The following MCRIP1 variants were observed in gnomAD, a reference collection of about 807,000 sequenced individuals.
MCRIP1 encodes mapk-regulated corepressor-interacting protein 1.
In MCRIP1, 10 loss-of-function variants were observed where a neutral mutation model predicts 14.4. The observed-to-expected ratio is 0.70, with a 90% CI of 0.43 to 1.18. The LOEUF is 1.18. MCRIP1 is among the 50% of genes most tolerant of loss of function. MCRIP1 has a pLI of 0.00. For missense variants in MCRIP1, 119 were observed against 135.4 expected (o/e 0.88, Z 0.60); for synonymous variants, 53 against 55.7 (o/e 0.95, Z 0.21).
intron 1 of MCRIP1, among the ~76,000 whole-genome samples, chr17:81,832,783 G>T (rs898839368): frequency 1.3e-5 from 2 of 152,254 alleles, no homozygotes; most frequent in African/African-American, 4.8e-5. Flanking sequence ...AAGAGGGCAA[G>T]GCCGAAAAAT....
chr17:81,823,292 C>T lies in MCRIP1; in HGVS notation c.249G>A (p.Leu83=). The T allele has an allele frequency of 1.3e-6, 2 of 1,536,980 alleles. No homozygotes were observed. Among genetic ancestry groups the T allele is most frequent in the East Asian group, 2.4e-5 (1 of 40,888 alleles). The stretch of plus-strand genomic sequence containing the variant: ...GCGTGCTCCGGCGCTTCAGGTCACT[C>T]AGGTCGATGGGCTTGAAGGCTGCCA... ...PSLKTFKPID[L]SDLKRRSTQD... The change falls in exon 5 of 5, where the codon CTG becomes CTA. Residue 83 remains leucine, a synonymous_variant. Coordinates refer to ENST00000455127, the MANE Select transcript of MCRIP1 (RefSeq NM_207368.5). This position sits in a 1 kb window ranked among gnomAD's most constrained non-coding sequence, Gnocchi z 6.0.
intron 1 of MCRIP1, among the ~76,000 whole-genome samples, chr17:81,827,073 G>A (rs1211673752): frequency 2.7e-5 from 4 of 150,352 alleles, no homozygotes; most frequent in East Asian, 2.0e-4. Context: ...AGCCGAGATC[G>A]TGCCACTGCA....
rs778205734 is a variant in MCRIP1, at chr17:81,824,396, G to A, written c.18C>T (p.Val6=). Residue 6 remains valine, a synonymous_variant, in exon 3 of 5, where the codon GTC becomes GTT. Transcript: ENST00000455127. ...TCTTGCCGTTGTACACGACTCTGGA[G>A]ACGGGGGAGCTGGGGGAGCCTGGCG... MTSSP[V]SRVVYNGKRT... 190 of 1,534,526 alleles carry A rather than the reference G, an allele frequency of 1.2e-4. No individual in the cohort carries two copies. The highest frequency in any genetic ancestry group is 1.6e-4 in the Non-Finnish European group (187 of 1,145,388).
chr17:81,829,235 C>T (rs2143250710), intron 1 of MCRIP1, among the ~76,000 whole-genome samples: 1 of 145,206 alleles, frequency 6.9e-6, no homozygotes, highest in South Asian at 2.4e-4. Context: ...GAGTGGCGGC[C>T]TGACCGAGGC....
In MCRIP1 at chr17:81,824,268, G is replaced by A; in HGVS notation, c.127+19C>T. ...CCGTCAAGGACAGGGCAGGAGCTGT[G>A]TGTGGCAGGCGCACCCACCTTCGTA... On this transcript the variant is annotated intron_variant, in intron 3 of 4. Transcript: ENST00000455127. 7 of 1,514,852 alleles carry A rather than the reference G, an allele frequency of 4.6e-6. No individual in the cohort carries two copies. The highest frequency in any genetic ancestry group is 5.3e-6 in the Non-Finnish European group (6 of 1,127,474). 93.8% of individuals were successfully genotyped at this position (1,514,852 alleles called of 1,614,324 possible). A position where few individuals can be genotyped will look rare whatever the true frequency, so the allele number is the denominator to read the frequency against.
chr17:81,827,970 T>C (rs184540192), intron 1 of MCRIP1, among the ~76,000 whole-genome samples: 4 of 151,248 alleles, frequency 2.6e-5, no homozygotes, highest in Admixed American at 2.6e-4. Flanking sequence ...TTAGTGGAGA[T>C]GGGGTTTCAC....
intron 1 of MCRIP1, chr17:81,825,336 T>A (rs1598249836): frequency 8.6e-7 from 1 of 1,166,172 alleles, no homozygotes; most frequent in Non-Finnish European, 1.1e-6. Flanking sequence ...CTGGACAGTG[T>A]CCCCACTCCA....
chr17:81,832,269 T>C (rs1437755239), intron 1 of MCRIP1, among the ~76,000 whole-genome samples: 1 of 152,152 alleles, frequency 6.6e-6, no homozygotes, highest in Non-Finnish European at 1.5e-5. Context: ...GCTGCCACAC[T>C]GGCACCTCGT....
chr17:81,828,863 A>T (rs1484316193), intron 1 of MCRIP1, among the ~76,000 whole-genome samples: 2 of 152,222 alleles, frequency 1.3e-5, no homozygotes, highest in Non-Finnish European at 1.5e-5. Flanking sequence ...ATGGAGCCAC[A>T]ATAAGGCCTC....
chr17:81,827,868 C>T (rs1167964536), intron 1 of MCRIP1, among the ~76,000 whole-genome samples: 1 of 148,944 alleles, frequency 6.7e-6, no homozygotes, highest in Non-Finnish European at 1.5e-5. Flanking sequence ...GCAAGCTCCG[C>T]CTCCCGGGTT....
In MCRIP1 at chr17:81,830,065, G is replaced by T. The variant is rs189439156; in HGVS notation, c.-49+3173C>A. Among the ~76,000 whole-genome samples the T allele has an allele frequency of 2.6e-5, 4 of 152,178 alleles. No individual in the cohort carries two copies. In the East Asian group the frequency reaches 7.7e-4, roughly 29 times the overall value. On this transcript the variant is annotated intron_variant, in intron 1 of 4. Transcript: ENST00000455127. The stretch of plus-strand genomic sequence containing the variant: ...ACCTGCAAGTCTGTGCATTCTGCAG[G>T]ACGTGACTGCCTGCTTCCGTGGCCG...
intron 1 of MCRIP1, chr17:81,826,504 C>G (rs1037865343): frequency 1.0e-5 from 7 of 687,614 alleles, no homozygotes; most frequent in African/African-American, 5.9e-5. Context: ...GCCCAGGCAA[C>G]AGAGCAAGAC....
Position 81,823,987 on chromosome 17 carries a change from C to T in MCRIP1, c.127+300G>A, listed in dbSNP as rs967846544. Among the ~76,000 whole-genome samples, 1 of 152,240 alleles carries T rather than the reference C, an allele frequency of 6.6e-6. No homozygotes were observed. The highest frequency in any genetic ancestry group is 1.5e-5 in the Non-Finnish European group (1 of 68,042). On this transcript the variant is annotated intron_variant, in intron 3 of 4. Transcript: ENST00000455127. This position sits in a 1 kb window ranked among gnomAD's most constrained non-coding sequence, Gnocchi z 6.0. Reference sequence around the variant, plus strand: ...CTTTCCCCAGCAAACTCCTCCAGTGCTGCTAGCATGGATGACTGGCTCCCA... The same window carrying T: ...CTTTCCCCAGCAAACTCCTCCAGTGTTGCTAGCATGGATGACTGGCTCCCA...
At chr17:81,827,874 G>A (rs1388192853) in intron 1 of MCRIP1, among the ~76,000 whole-genome samples, 4 of 145,974 alleles carry the variant, frequency 2.7e-5, no homozygotes, top group Non-Finnish European at 4.5e-5. Context: ...TCCGCCTCCC[G>A]GGTTGACGCC....
chr17:81,823,325 A>G lies in MCRIP1; in HGVS notation c.230-14T>C. On this transcript the variant is annotated splice_polypyrimidine_tract_variant and intron_variant, in intron 4 of 4. Coordinates refer to ENST00000455127, the MANE Select transcript of MCRIP1 (RefSeq NM_207368.5). The surrounding 1 kb of genome is among the most constrained non-coding windows in gnomAD (Gnocchi z 6.0). Reference sequence around the variant, plus strand: ...TGGGCTTGAAGGCTGCCAGGGGACAACGCGGTAGGTGGTGGGCACAGGCCC... The same window carrying G: ...TGGGCTTGAAGGCTGCCAGGGGACAGCGCGGTAGGTGGTGGGCACAGGCCC... The G allele has an allele frequency of 7.2e-6, 11 of 1,536,884 alleles. No homozygotes were observed. The highest frequency in any genetic ancestry group is 1.2e-5 in the South Asian group (1 of 84,054).
In MCRIP1 at chr17:81,822,813, C is replaced by T. The variant is rs1785016728; in HGVS notation, c.*434G>A. 3.8e-6 allele frequency: 1 copy of T among 262,944 alleles called. No individual in the cohort carries two copies. The highest frequency in any genetic ancestry group is 4.9e-5 in the South Asian group (1 of 20,208). The allele number at this position is 262,944 out of a possible 1,614,324, so 16.3% of individuals were successfully genotyped here. The stretch of plus-strand genomic sequence containing the variant: ...GCCCAGGCTGGATGGGGTGGGGCTG[C>T]CCTTGTCCTGTATCCTGACCACTTC... On this transcript the variant is annotated 3_prime_UTR_variant, in exon 5 of 5. Coordinates refer to ENST00000455127, the MANE Select transcript of MCRIP1 (RefSeq NM_207368.5).
In MCRIP1 at chr17:81,823,331, T is replaced by C. The variant is rs1280499765; in HGVS notation, c.230-20A>G. ...TGAAGGCTGCCAGGGGACAACGCGG[T>C]AGGTGGTGGGCACAGGCCCCTCCTG... is the stretch of plus-strand genomic sequence containing the variant. On this transcript the variant is annotated intron_variant, in intron 4 of 4. Transcript: ENST00000455127. The surrounding 1 kb of genome is among the most constrained non-coding windows in gnomAD (Gnocchi z 6.0). 5 of 1,536,594 alleles carry C rather than the reference T, an allele frequency of 3.3e-6. No homozygotes were observed. The highest frequency in any genetic ancestry group is 4.4e-6 in the Non-Finnish European group (5 of 1,146,690).
intron 1 of MCRIP1, chr17:81,825,242 C>T (rs971227544): frequency 3.1e-5 from 34 of 1,084,998 alleles, no homozygotes; most frequent in Admixed American, 9.8e-5. Context: ...GGCTGCCGCC[C>T]GTTTATGGCC....
intron 1 of MCRIP1, chr17:81,825,073 C>T (rs1176851199): frequency 2.0e-6 from 2 of 1,013,888 alleles, no homozygotes; most frequent in Non-Finnish European, 1.2e-6. Context: ...TAAAGGTGAT[C>T]CCAGCTCCCC....
Sources: allele counts gnomAD v4.1 joint callset (sites outside exome capture counted in the v4.1 genomes callset), GRCh38; gene constraint gnomAD v4.1.1; non-coding constraint Gnocchi (gnomAD v3.1); transcripts MANE v1.5; gene names NCBI Gene and HGNC (gene_info 2026-07-23, HGNC 2026-07-21).